ADGRL2: variants seen among roughly 807,000 people sequenced by gnomAD.
ADGRL2 encodes calcium-independent alpha-latrotoxin receptor 2.
A neutral mutation model predicts 157.4 loss-of-function variants in ADGRL2; 44 were observed. The observed-to-expected ratio is 0.28, with a 90% CI of 0.22 to 0.36. The LOEUF (loss-of-function observed/expected upper bound fraction) is 0.36. ADGRL2 is among the 10% of genes least tolerant of loss of function. ADGRL2 has a pLI of 1.00. For synonymous variants in ADGRL2, 585 were observed against 624.7 expected (o/e 0.94, Z 0.95); for missense variants, 1,510 against 1,768.9 (o/e 0.85, Z 2.63).
At chr1:81,582,866 G>A (rs2080944648) in intron 3 of ADGRL2, among the ~76,000 whole-genome samples, 1 of 152,064 alleles carries the variant, frequency 6.6e-6, no homozygotes, top group South Asian at 2.1e-4. Flanking sequence ...CCTCTTAAAA[G>A]CAACAGTGGA....
At chr1:81,569,855 G>A (rs142038040) in intron 2 of ADGRL2, among the ~76,000 whole-genome samples, 3,833 of 152,182 alleles carry the variant, frequency 0.025, 78 homozygotes, top group East Asian at 0.038. Flanking sequence ...CAAAAAAGAT[G>A]TCAGTAGAAA....
At chr1:81,428,762 G>A (rs141250629) in intron 1 of ADGRL2, among the ~76,000 whole-genome samples, 44 of 152,150 alleles carry the variant, frequency 2.9e-4, no homozygotes, top group African/African-American at 1.1e-3. Flanking sequence ...TTATAAGGAG[G>A]TGGCCCGAGA....
intron 2 of ADGRL2, among the ~76,000 whole-genome samples, chr1:81,897,096 G>C (rs926607503): frequency 6.6e-6 from 1 of 152,220 alleles, no homozygotes; most frequent in Middle Eastern, 3.4e-3. Flanking sequence ...GTTAATTGGA[G>C]GAAACAAAAC....
intron 1 of ADGRL2, among the ~76,000 whole-genome samples, chr1:81,337,563 A>G (rs145365605): frequency 0.012 from 1,837 of 152,312 alleles, 43 homozygotes; most frequent in African/African-American, 0.042. Context: ...GAGCTCTCAG[A>G]GAAATCATCA....
intron 3 of ADGRL2, among the ~76,000 whole-genome samples, chr1:81,683,655 A>ATGTGTG (rs142461133): frequency 3.8e-4 from 58 of 150,856 alleles, no homozygotes; most frequent in African/African-American, 1.4e-3. Context: ...GTATTCCATT[A>ATGTGTG]TGTGTGTGTG....
At chr1:81,323,836 G>A (rs1417526710) in intron 1 of ADGRL2, among the ~76,000 whole-genome samples, 4 of 152,224 alleles carry the variant, frequency 2.6e-5, no homozygotes, top group South Asian at 2.1e-4. Flanking sequence ...ATAATTAAGA[G>A]ACCCTTAAAG....
intron 3 of ADGRL2, among the ~76,000 whole-genome samples, chr1:81,647,054 C>T (rs531698920): frequency 6.6e-6 from 1 of 152,168 alleles, no homozygotes; most frequent in Non-Finnish European, 1.5e-5. Context: ...TTGTTGTTCC[C>T]AAGAGAAAGT....
At chr1:81,967,414 A>G (rs907432434) in intron 13 of ADGRL2, among the ~76,000 whole-genome samples, 26 of 152,046 alleles carry the variant, frequency 1.7e-4, no homozygotes, top group Non-Finnish European at 3.4e-4. Context: ...GGCGTCCTCC[A>G]CCACGCCTGG....
At chr1:81,640,970 T>G (rs2082208418) in intron 3 of ADGRL2, among the ~76,000 whole-genome samples, 1 of 152,338 alleles carries the variant, frequency 6.6e-6, no homozygotes, top group African/African-American at 2.4e-5. Context: ...TGTCTTCCTG[T>G]TCCTGCCCTA....
chr1:81,674,485 C>A (rs12744466), intron 3 of ADGRL2, among the ~76,000 whole-genome samples: 2 of 152,134 alleles, frequency 1.3e-5, no homozygotes, highest in Non-Finnish European at 2.9e-5. Flanking sequence ...TGCACCGGTG[C>A]GCCCCCATGT....
At chr1:81,714,886 A>G (rs2084058789) in intron 1 of ADGRL2, among the ~76,000 whole-genome samples, 1 of 150,722 alleles carries the variant, frequency 6.6e-6, no homozygotes, top group African/African-American at 2.4e-5. Context: ...AGTTGCTTCT[A>G]CTCAATGTAT....
chr1:81,968,979 T>A (rs1027807928), intron 14 of ADGRL2, among the ~76,000 whole-genome samples, 199 bp from the exon 15 acceptor site: 3 of 152,222 alleles, frequency 2.0e-5, no homozygotes, highest in African/African-American at 7.2e-5. Flanking sequence ...GATCATTTTT[T>A]AAGTATAAAA....
intron 1 of ADGRL2, among the ~76,000 whole-genome samples, chr1:81,828,219 A>G (rs76704794): frequency 0.014 from 2,106 of 152,290 alleles, 40 homozygotes; most frequent in African/African-American, 0.041. Flanking sequence ...GGCACAGACC[A>G]TATCACTCTT....
chr1:81,488,838 T>A (rs1240850418), intron 2 of ADGRL2, among the ~76,000 whole-genome samples: 2 of 152,000 alleles, frequency 1.3e-5, no homozygotes, highest in Non-Finnish European at 2.9e-5. Context: ...GTCTACTAGA[T>A]AAAGACTTTA....
chr1:81,842,569 G>A (rs1250139100), intron 2 of ADGRL2, among the ~76,000 whole-genome samples: 1 of 151,698 alleles, frequency 6.6e-6, no homozygotes, highest in African/African-American at 2.4e-5. Context: ...TATTGGCCAG[G>A]CTGGTCTCTG....
intron 2 of ADGRL2, among the ~76,000 whole-genome samples, chr1:81,843,447 T>G (rs1444646410): frequency 6.6e-6 from 1 of 152,180 alleles, no homozygotes; most frequent in African/African-American, 2.4e-5. Flanking sequence ...ATGATTTTAT[T>G]TAAGAAAATA....
At chr1:81,682,873 T>C (rs1256676270) in intron 3 of ADGRL2, among the ~76,000 whole-genome samples, 1 of 152,230 alleles carries the variant, frequency 6.6e-6, no homozygotes, top group Non-Finnish European at 1.5e-5. Flanking sequence ...GGCTCACGCC[T>C]GTAATCCCAG....
intron 2 of ADGRL2, among the ~76,000 whole-genome samples, chr1:81,780,931 G>A (rs2086786970): frequency 6.6e-6 from 1 of 152,186 alleles, no homozygotes; most frequent in South Asian, 2.1e-4. Flanking sequence ...TTCAAGGGAT[G>A]CATGACAATA....
chr1:81,449,019 C>T (rs2077656549), intron 2 of ADGRL2, among the ~76,000 whole-genome samples: 1 of 152,156 alleles, frequency 6.6e-6, no homozygotes, highest in Non-Finnish European at 1.5e-5. Context: ...CATATATGTT[C>T]ATTTCAGTAT....
Sources: allele counts gnomAD v4.1 joint callset (sites outside exome capture counted in the v4.1 genomes callset), GRCh38; gene constraint gnomAD v4.1.1; transcripts MANE v1.5; gene names NCBI Gene and HGNC (gene_info 2026-07-23, HGNC 2026-07-21).